Variants in COTL1 observed in about 807,000 individuals in gnomAD.
COTL1 encodes the protein coactosin-like protein.
In COTL1, 15 loss-of-function variants were observed where a neutral mutation model predicts 16.5. The ratio of observed to expected loss-of-function variants is 0.91; its 90% CI spans 0.61 to 1.40. COTL1 has a LOEUF of 1.40. COTL1 is among the 40% of genes most tolerant of loss of function. COTL1 has a pLI of 0.00. For missense variants in COTL1, 220 were observed against 201.5 expected, an observed-to-expected ratio of 1.09 and a Z score of -0.56; for synonymous variants, 112 against 85.3, an observed-to-expected ratio of 1.31 and a Z score of -1.73.
rs1173002029 is a variant in COTL1, at chr16:84,565,796, G to A, written c.*1049C>T. On this transcript the variant is annotated 3_prime_UTR_variant, in exon 4 of 4. Coordinates refer to ENST00000262428, the MANE Select transcript of COTL1 (RefSeq NM_021149.5). ...AAAAACAAAACAAAACGATCCTTTT[G>A]AATGTGTGGTGCAGACGCAGGACTG... is the stretch of plus-strand genomic sequence containing the variant. The A allele has an allele frequency of 6.6e-6, 1 of 152,332 alleles. No homozygotes were observed. Among genetic ancestry groups the A allele is most frequent in the East Asian group, 1.9e-4 (1 of 5,192 alleles). The allele number at this position is 152,332 out of a possible 1,614,324, so 9.4% of individuals were successfully genotyped here. A position where few individuals can be genotyped will look rare whatever the true frequency, so the allele number is the denominator to read the frequency against.
At chr16:84,569,432 G>A (rs62050685) in intron 3 of COTL1, among the ~76,000 whole-genome samples, 13,250 of 152,092 alleles carry the variant, frequency 0.087, 762 homozygotes, top group East Asian at 0.21. Flanking sequence ...GAGCCCAGGA[G>A]CATCCCGAAG....
At chr16:84,567,553 C>CT (rs1443362242) in intron 3 of COTL1, 1 of 152,476 alleles carries the variant, frequency 6.6e-6, no homozygotes, top group African/African-American at 2.4e-5. Flanking sequence ...ACCAATGTTC[C>CT]TAATGACGCA....
At chr16:84,587,718 C>A (rs1049737388) in intron 3 of COTL1, among the ~76,000 whole-genome samples, 2 of 152,060 alleles carry the variant, frequency 1.3e-5, no homozygotes, top group African/African-American at 4.8e-5. Flanking sequence ...CCAGGAGGGA[C>A]GTCCAAAAGC....
chr16:84,574,112 G>A (rs923119729), intron 3 of COTL1, among the ~76,000 whole-genome samples: 9 of 152,152 alleles, frequency 5.9e-5, no homozygotes, highest in Non-Finnish European at 7.4e-5. Context: ...AGGCTGCCGT[G>A]AGCCATGATC....
At chr16:84,567,197 C>T (rs1482375947) in intron 3 of COTL1, 7 of 434,124 alleles carry the variant, frequency 1.6e-5, no homozygotes, top group Admixed American at 7.6e-5. Context: ...TCTGATGCTG[C>T]GTCTTCCCAT....
intron 2 of COTL1, among the ~76,000 whole-genome samples, chr16:84,605,839 A>C (rs146405442): frequency 6.6e-6 from 1 of 152,358 alleles, no homozygotes; most frequent in East Asian, 1.9e-4. Flanking sequence ...TAATTCACCA[A>C]GTTTGTGGTC....
chr16:84,608,638 G>T (rs1191003416), intron 2 of COTL1, among the ~76,000 whole-genome samples: 1 of 152,226 alleles, frequency 6.6e-6, no homozygotes, highest in Admixed American at 6.5e-5. Flanking sequence ...GGGCGGGGTG[G>T]CTCACGCCTG....
rs558511177 is a variant in COTL1 at position 84,578,431 on chromosome 16, T to C, written c.319-11476A>G. 7.9e-5 allele frequency among the ~76,000 whole-genome samples: 12 copies of C among 152,354 alleles called. No homozygotes were observed. The East Asian group carries it at 1.9e-3, about 24-fold the overall frequency. ...ATATACGCCAGGCAATTATTATACA[T>C]GGTATCTTATTGAATTTTCACAATT... is the stretch of plus-strand genomic sequence containing the variant. On this transcript the variant is annotated intron_variant, in intron 3 of 3. Coordinates refer to ENST00000262428, the MANE Select transcript of COTL1 (RefSeq NM_021149.5).
At chr16:84,574,289 C>T (rs781349930) in intron 3 of COTL1, among the ~76,000 whole-genome samples, 39 of 152,232 alleles carry the variant, frequency 2.6e-4, no homozygotes, top group Non-Finnish European at 5.1e-4. Flanking sequence ...CCCCACATCC[C>T]GCCTCCAGGG....
At chr16:84,580,409 G>T (rs1673546317) in intron 3 of COTL1, among the ~76,000 whole-genome samples, 1 of 152,088 alleles carries the variant, frequency 6.6e-6, no homozygotes, top group South Asian at 2.1e-4. Context: ...ACCATGCTCG[G>T]CTAATTTTTT....
chr16:84,598,654 C>T (rs188809021), intron 2 of COTL1, among the ~76,000 whole-genome samples: 14 of 72,866 alleles, frequency 1.9e-4, no homozygotes, highest in Non-Finnish European at 3.3e-4. Context: ...CTTCTCCCCC[C>T]CAACCCCCCC....
At chr16:84,599,452 A>G (rs1905069809) in intron 2 of COTL1, among the ~76,000 whole-genome samples, 1 of 152,336 alleles carries the variant, frequency 6.6e-6, no homozygotes, top group East Asian at 1.9e-4. Flanking sequence ...ACCACCCTAG[A>G]AACTTTTTAG....
chr16:84,603,016 C>T (rs992340469), intron 2 of COTL1, among the ~76,000 whole-genome samples: 10 of 152,164 alleles, frequency 6.6e-5, no homozygotes, highest in Admixed American at 2.6e-4. Flanking sequence ...GAAACCTCAG[C>T]GGCATGAGAG....
intron 3 of COTL1, among the ~76,000 whole-genome samples, chr16:84,586,422 G>A (rs968973302): frequency 7.9e-5 from 12 of 152,258 alleles, no homozygotes; most frequent in African/African-American, 2.9e-4. Context: ...AAGAGTTCTA[G>A]AGAGGAAAGA....
At position 84,569,479 on chromosome 16, in the gene COTL1, G is replaced by A. The variant is rs373576411; in HGVS notation, c.319-2524C>T. Among the ~76,000 whole-genome samples, 10 of 152,224 alleles carry A rather than the reference G, an allele frequency of 6.6e-5. No homozygotes were observed. In the East Asian group the frequency reaches 1.3e-3, roughly 21 times the overall value. ...AATAAAAAGACAATGCATTTGGCGC[G>A]CAAAGCCACTGAGAACACTAACAAA... On this transcript the variant is annotated intron_variant, in intron 3 of 3. Coordinates refer to ENST00000262428, the MANE Select transcript of COTL1 (RefSeq NM_021149.5).
chr16:84,578,818 T>C (rs1449071240), intron 3 of COTL1, among the ~76,000 whole-genome samples: 1 of 149,768 alleles, frequency 6.7e-6, no homozygotes, highest in Non-Finnish European at 1.5e-5. Flanking sequence ...CACACAAACG[T>C]ATACACACAC....
chr16:84,586,777 G>T lies in COTL1; in HGVS notation c.318+3328C>A, dbSNP rs551688790. Among the ~76,000 whole-genome samples the T allele has an allele frequency of 7.9e-5, 12 of 152,124 alleles. No individual in the cohort carries two copies. In the South Asian group the frequency reaches 2.3e-3, roughly 29 times the overall value. ...TTTTTTGGTATTTTTAGTAGAGACG[G>T]GGTTTGTGTTGGCATGTTCGCCAGG... On this transcript the variant is annotated intron_variant, in intron 3 of 3. Transcript: ENST00000262428.
chr16:84,567,063 G>C (rs1018899335), intron 3 of COTL1, 108 bp from the exon 4 acceptor site: 17 of 749,982 alleles, frequency 2.3e-5, no homozygotes, highest in African/African-American at 2.2e-4. Flanking sequence ...ACCCTGATGA[G>C]AGATGGAAAT....
intron 3 of COTL1, among the ~76,000 whole-genome samples, chr16:84,571,446 C>T (rs1452623645): frequency 6.6e-6 from 1 of 152,156 alleles, no homozygotes; most frequent in Non-Finnish European, 1.5e-5. Flanking sequence ...CACCATGAGG[C>T]TGGTTAAGCG....
Sources: allele counts gnomAD v4.1 joint callset (sites outside exome capture counted in the v4.1 genomes callset), GRCh38; gene constraint gnomAD v4.1.1; transcripts MANE v1.5; gene names NCBI Gene and HGNC (gene_info 2026-07-23, HGNC 2026-07-21).